Variants in EPHA5 observed in about 807,000 individuals in gnomAD.
EPHA5 encodes the protein ephrin type-A receptor 5.
EPHA5 carries 60 observed loss-of-function variants against 105.0 expected under a neutral mutation model. That is an observed-to-expected ratio of 0.57 (90% CI 0.46 to 0.71). The LOEUF is 0.71. Among genes scored for constraint, EPHA5 ranks in the 30% least tolerant of loss-of-function variants. EPHA5 has a pLI of 0.00. For synonymous variants in EPHA5, 513 were observed against 449.1 expected, an observed-to-expected ratio of 1.14 and a Z score of -1.80; for missense variants, 1,218 against 1,274.7, an observed-to-expected ratio of 0.96 and a Z score of 0.68.
chr4:65,391,310 C>T (rs531887350), intron 8 of EPHA5, among the ~76,000 whole-genome samples: 3 of 152,214 alleles, frequency 2.0e-5, no homozygotes, highest in African/African-American at 4.8e-5. Context: ...CAGCAGTATA[C>T]AAAGTCAGTC....
rs188068308 is a variant in EPHA5 at position 65,437,385 on chromosome 4, C to T, written c.1403-16820G>A. On this transcript the variant is annotated intron_variant, in intron 5 of 16. Transcript: ENST00000613740. ...CCAAATAGGCCTTAATGGTGTCCAT[C>T]ATCCTACATTAAAATTAGGCATTTG... Among the ~76,000 whole-genome samples, 46 of 152,094 alleles carry T rather than the reference C, an allele frequency of 3.0e-4. No individual in the cohort carries two copies. In the East Asian group the frequency reaches 7.5e-3, roughly 25 times the overall value.
At chr4:65,575,642 C>T (rs764432491) in intron 3 of EPHA5, among the ~76,000 whole-genome samples, 1 of 152,068 alleles carries the variant, frequency 6.6e-6, no homozygotes, top group Non-Finnish European at 1.5e-5. Flanking sequence ...GCAATCTCAC[C>T]TCCATCATTC....
At chr4:65,653,846 C>A (rs1267207364) in intron 1 of EPHA5, among the ~76,000 whole-genome samples, 4 of 151,944 alleles carry the variant, frequency 2.6e-5, no homozygotes, top group African/African-American at 4.8e-5. Context: ...TATCCTTTTT[C>A]TTTCCTTAGT....
At chr4:65,389,249 T>C (rs897136642) in intron 8 of EPHA5, among the ~76,000 whole-genome samples, 7 of 152,170 alleles carry the variant, frequency 4.6e-5, no homozygotes, top group African/African-American at 1.7e-4. Context: ...AAATATAGCA[T>C]TGTGGTGCTG....
rs1719686528 is a variant in EPHA5, at chr4:65,322,153, TG to T, written c.*1960del. The T allele has an allele frequency of 4.5e-6, 1 of 224,494 alleles. No individual in the cohort carries two copies. 13.9% of individuals were successfully genotyped at this position (224,494 alleles called of 1,614,324 possible). On this transcript the variant is annotated 3_prime_UTR_variant, in exon 17 of 17. Coordinates refer to ENST00000613740, the MANE Select transcript of EPHA5 (RefSeq NM_001281766.3). ...TTGCAGCACAGTTTGTGTGGACCCA[TG>T]GTATATAGCCCTTATTATTATGAGA...
At chr4:65,458,133 A>G (rs1473780132) in intron 5 of EPHA5, among the ~76,000 whole-genome samples, 2 of 151,616 alleles carry the variant, frequency 1.3e-5, no homozygotes, top group Non-Finnish European at 2.9e-5. Context: ...TTATACTAAG[A>G]TAATTGACAA....
At chr4:65,404,767 C>T (rs904449395) in intron 7 of EPHA5, among the ~76,000 whole-genome samples, 2 of 152,080 alleles carry the variant, frequency 1.3e-5, no homozygotes, top group Admixed American at 6.6e-5. Flanking sequence ...ATCTAGGGGC[C>T]TTAGGTCTGT....
intron 16 of EPHA5, chr4:65,331,183 A>G (rs918932934): frequency 2.9e-6 from 3 of 1,027,710 alleles, no homozygotes; most frequent in Non-Finnish European, 1.2e-6. Flanking sequence ...TTATATTCAC[A>G]GGTTAAAACA....
chr4:65,345,071 G>A (rs1186134725), intron 14 of EPHA5, among the ~76,000 whole-genome samples: 1 of 152,008 alleles, frequency 6.6e-6, no homozygotes, highest in Non-Finnish European at 1.5e-5. Context: ...AACAATAATA[G>A]CATCCCTCTG....
intron 3 of EPHA5, among the ~76,000 whole-genome samples, chr4:65,568,729 C>G (rs1035659550): frequency 2.6e-5 from 4 of 150,986 alleles, no homozygotes; most frequent in South Asian, 2.1e-4. Flanking sequence ...AGTTTATACA[C>G]TTTTTCAAAC....
rs370197325 is a variant in EPHA5, at chr4:65,484,398, G to T, written c.1402+5979C>A. On this transcript the variant is annotated intron_variant, in intron 5 of 16. Coordinates refer to ENST00000613740, the MANE Select transcript of EPHA5 (RefSeq NM_001281766.3). ...ATTATAATGTCCTCCAGACATTTGG[G>T]CAAGAACTAAGAAATAAAACCCATG... 1.2e-4 allele frequency among the ~76,000 whole-genome samples: 19 copies of T among 152,176 alleles called. No individual in the cohort carries two copies. In the East Asian group the frequency reaches 1.4e-3, roughly 11 times the overall value.
intron 15 of EPHA5, among the ~76,000 whole-genome samples, chr4:65,332,967 TGGTA>T (rs1720783023): frequency 6.6e-6 from 1 of 151,602 alleles, no homozygotes; most frequent in South Asian, 2.1e-4. Flanking sequence ...CACCGAGGAG[TGGTA>T]GATCATGAAA....
chr4:65,664,153 A>G (rs957448301), intron 1 of EPHA5, among the ~76,000 whole-genome samples: 2 of 151,956 alleles, frequency 1.3e-5, no homozygotes, highest in African/African-American at 4.8e-5. Flanking sequence ...CTAAGAATTC[A>G]TGCTAATTGT....
chr4:65,669,361 C>T, intron 1 of EPHA5: 1 of 976,512 alleles, frequency 1.0e-6, no homozygotes, highest in South Asian at 4.7e-5. Context: ...CCCAGCACTC[C>T]GCAGCTAACG....
intron 8 of EPHA5, among the ~76,000 whole-genome samples, chr4:65,389,151 C>T (rs1358602841): frequency 6.6e-6 from 1 of 151,890 alleles, no homozygotes; most frequent in Non-Finnish European, 1.5e-5. Flanking sequence ...TTATATTTTT[C>T]CTTGCAGCAA....
intron 5 of EPHA5, among the ~76,000 whole-genome samples, chr4:65,477,473 C>T (rs182881315): frequency 7.2e-5 from 11 of 151,988 alleles, no homozygotes; most frequent in African/African-American, 1.4e-4. Context: ...AGTGCAGTGG[C>T]GAGATCTAGG....
intron 5 of EPHA5, among the ~76,000 whole-genome samples, chr4:65,431,464 T>G (rs1180068062): frequency 1.3e-5 from 2 of 152,048 alleles, no homozygotes; most frequent in Non-Finnish European, 2.9e-5. Context: ...ATATGTAAGT[T>G]TCTTCCTTAT....
chr4:65,429,830 A>C (rs12502991), intron 5 of EPHA5, among the ~76,000 whole-genome samples: 15,643 of 152,122 alleles, frequency 0.1, 954 homozygotes, highest in East Asian at 0.14. Context: ...ATATTATGCC[A>C]GTAGACACAA....
intron 7 of EPHA5, among the ~76,000 whole-genome samples, chr4:65,412,427 T>G (rs935132869): frequency 1.3e-5 from 2 of 152,126 alleles, no homozygotes; most frequent in Admixed American, 1.3e-4. Context: ...TGAATTATAT[T>G]CAGAAAATAT....
Sources: gnomAD v4.1 joint callset for allele counts (sites outside exome capture counted in the v4.1 genomes callset) on GRCh38, gnomAD v4.1.1 for gene constraint, MANE v1.5 for transcripts, NCBI Gene and HGNC (gene_info 2026-07-23, HGNC 2026-07-21) for gene names.